The following MAF variants were observed in gnomAD, a reference collection of about 807,000 sequenced individuals.
MAF encodes MAF bZIP transcription factor.
MAF carries 10 observed loss-of-function variants against 22.0 expected under a neutral mutation model. The ratio of observed to expected loss-of-function variants is 0.45; its 90% confidence interval spans 0.28 to 0.77. The LOEUF is 0.77. Among genes scored for constraint, MAF ranks in the 30% least tolerant of loss-of-function variants. MAF has a pLI of 0.12. For synonymous variants in MAF, 337 were observed against 255.8 expected (o/e 1.32, Z -3.03); for missense variants, 544 against 548.4 (o/e 0.99, Z 0.08).
the MAF span, among the ~76,000 whole-genome samples, chr16:79,452,147 C>A: frequency 6.6e-6 from 1 of 152,182 alleles, no homozygotes. Flanking sequence ...GTGTGGCCTG[C>A]AAAGCCTAAA....
chr16:79,416,675 G>T, the MAF span, among the ~76,000 whole-genome samples: 1 of 152,142 alleles, frequency 6.6e-6, no homozygotes, highest in Non-Finnish European at 1.5e-5. Flanking sequence ...GCGGTGCTCC[G>T]AATGGTCAGT....
the MAF span, among the ~76,000 whole-genome samples, chr16:79,431,296 A>G: frequency 6.6e-6 from 1 of 152,172 alleles, no homozygotes; most frequent in Non-Finnish European, 1.5e-5. Context: ...GCTGCTGAGG[A>G]CAGAAGTTAA....
At chr16:79,407,268 G>C in the MAF span, among the ~76,000 whole-genome samples, 1 of 152,168 alleles carries the variant, frequency 6.6e-6, no homozygotes, top group African/African-American at 2.4e-5. Flanking sequence ...TCCAGACGGG[G>C]GACAGGGGCC....
chr16:79,507,966 C>A, the MAF span, among the ~76,000 whole-genome samples: 1 of 151,956 alleles, frequency 6.6e-6, no homozygotes, highest in Non-Finnish European at 1.5e-5. Context: ...GGGGAAAGGG[C>A]CTATTTGGTG....
At chr16:79,213,122 CG>C in the MAF span, among the ~76,000 whole-genome samples, 1 of 152,086 alleles carries the variant, frequency 6.6e-6, no homozygotes, top group Non-Finnish European at 1.5e-5. Flanking sequence ...ATTTCCAGCC[CG>C]TTCCAGCAAG....
chr16:79,275,984 A>G, the MAF span, among the ~76,000 whole-genome samples: 2 of 152,072 alleles, frequency 1.3e-5, no homozygotes, highest in African/African-American at 4.8e-5. Flanking sequence ...TACTAAAAAT[A>G]CAAAAAGTTT....
chr16:79,594,613 AG>A, intron 1 of MAF, 60 bp from the exon 2 acceptor site: 1 of 1,546,106 alleles, frequency 6.5e-7, no homozygotes, highest in Non-Finnish European at 8.7e-7. Context: ...CGCAGCGTAA[AG>A]GGGAAAGCTA....
At chr16:79,435,248 A>G in the MAF span, among the ~76,000 whole-genome samples, 3 of 125,980 alleles carry the variant, frequency 2.4e-5, 1 homozygote, top group Admixed American at 1.6e-4. Flanking sequence ...GCGACTGTGC[A>G]CACACACACA....
chr16:79,376,035 G>A, the MAF span, among the ~76,000 whole-genome samples: 2 of 151,858 alleles, frequency 1.3e-5, no homozygotes, highest in Non-Finnish European at 2.9e-5. Flanking sequence ...GAAACTCATC[G>A]GCAGACTTTT....
chr16:79,352,592 T>C, the MAF span, among the ~76,000 whole-genome samples: 5 of 152,208 alleles, frequency 3.3e-5, no homozygotes. Flanking sequence ...TTTATTTATA[T>C]TTTTTAACAG....
chr16:79,400,179 G>A, the MAF span, among the ~76,000 whole-genome samples: 79 of 152,270 alleles, frequency 5.2e-4, no homozygotes, highest in Non-Finnish European at 5.7e-4. Context: ...AATACACAGG[G>A]CAGACCCCAC....
the MAF span, among the ~76,000 whole-genome samples, chr16:79,233,956 C>T: frequency 2.0e-5 from 3 of 149,312 alleles, no homozygotes; most frequent in South Asian, 6.3e-4. Flanking sequence ...CACTCAACTG[C>T]ACTCCAGTCT....
At chr16:79,510,653 C>A in the MAF span, among the ~76,000 whole-genome samples, 2 of 152,234 alleles carry the variant, frequency 1.3e-5, no homozygotes, top group African/African-American at 2.4e-5. Context: ...TAAACAAGCA[C>A]ACAATAGGGA....
chr16:79,274,358 A>C, the MAF span, among the ~76,000 whole-genome samples: 2 of 152,032 alleles, frequency 1.3e-5, no homozygotes, highest in Admixed American at 6.5e-5. Flanking sequence ...CTAGTCAAAA[A>C]TGCAGATGTC....
chr16:79,440,663 G>A, the MAF span, among the ~76,000 whole-genome samples: 4 of 152,102 alleles, frequency 2.6e-5, no homozygotes, highest in African/African-American at 9.7e-5. Flanking sequence ...CACCCGCCTT[G>A]GCCTCCCAAA....
At chr16:79,575,902 A>T in the MAF span, among the ~76,000 whole-genome samples, 2 of 152,070 alleles carry the variant, frequency 1.3e-5, no homozygotes, top group East Asian at 3.9e-4. Flanking sequence ...TCCATCACAA[A>T]TGTCTGGGTC....
At chr16:79,567,764 CT>C in the MAF span, among the ~76,000 whole-genome samples, 3 of 152,250 alleles carry the variant, frequency 2.0e-5, no homozygotes, top group Non-Finnish European at 4.4e-5. Context: ...GGGCAACAGG[CT>C]TTCCTATGTC....
the MAF span, among the ~76,000 whole-genome samples, chr16:79,393,214 A>G: frequency 2.6e-5 from 4 of 152,216 alleles, no homozygotes; most frequent in Non-Finnish European, 4.4e-5. Flanking sequence ...GAGTTTGCAG[A>G]TGGGAACAAA....
rs1017381047 is a variant in MAF, at chr16:79,594,249, C to A, written c.*211G>T. The A allele has an allele frequency of 2.5e-5, 14 of 555,490 alleles. No individual in the cohort carries two copies. Among genetic ancestry groups the A allele is most frequent in the Middle Eastern group, 4.8e-4 (1 of 2,088 alleles). 34.4% of individuals were successfully genotyped at this position (555,490 alleles called of 1,614,324 possible). On this transcript the variant is annotated 3_prime_UTR_variant, in exon 2 of 2. Transcript: ENST00000326043. The stretch of plus-strand genomic sequence containing the variant: ...CTGTTTACTTGCACACACCATAAAT[C>A]GAAAAGCAGGAGTGCGCTTTCCTAC...
Sources: allele counts gnomAD v4.1 joint callset (sites outside exome capture counted in the v4.1 genomes callset), GRCh38; gene constraint gnomAD v4.1.1; transcripts MANE v1.5; gene names NCBI Gene and HGNC (gene_info 2026-07-23, HGNC 2026-07-21).